Variants in ENTREP2 observed in about 807,000 individuals in gnomAD.
The protein encoded by ENTREP2 is endosomal transmembrane epsin interactor 2, also known as protein ENTREP2.
At chr15:29,432,276 C>T in the ENTREP2 span, among the ~76,000 whole-genome samples, 1 of 152,182 alleles carries the variant, frequency 6.6e-6, no homozygotes, top group African/African-American at 2.4e-5. Context: ...TGGTCTCACC[C>T]ACCTCTGCCC....
At chr15:29,393,439 G>C in the ENTREP2 span, among the ~76,000 whole-genome samples, 1 of 152,188 alleles carries the variant, frequency 6.6e-6, no homozygotes, top group African/African-American at 2.4e-5. Context: ...CTCATGCTCA[G>C]GGCAAGTCCC....
At chr15:29,481,449 G>C in the ENTREP2 span, among the ~76,000 whole-genome samples, 2 of 152,074 alleles carry the variant, frequency 1.3e-5, no homozygotes, top group Non-Finnish European at 2.9e-5. Context: ...TCAAGTAGAT[G>C]TAAGATTCAT....
At chr15:29,569,706 C>T in the ENTREP2 span, 1 of 152,202 alleles carries the variant, frequency 6.6e-6, no homozygotes, top group Non-Finnish European at 1.5e-5. Flanking sequence ...AAAATTAACT[C>T]TTGGGGACAG....
chr15:29,225,408 G>A, the ENTREP2 span, among the ~76,000 whole-genome samples: 34 of 152,338 alleles, frequency 2.2e-4, no homozygotes, highest in Admixed American at 2.0e-3. Flanking sequence ...TGATCCACCC[G>A]AGTCCATATA....
chr15:29,191,442 G>A, the ENTREP2 span, among the ~76,000 whole-genome samples: 12 of 130,218 alleles, frequency 9.2e-5, no homozygotes, highest in Non-Finnish European at 1.8e-4. Flanking sequence ...GGTGCAAACC[G>A]TAACCAAGGA....
the ENTREP2 span, among the ~76,000 whole-genome samples, chr15:29,489,574 T>C: frequency 6.6e-6 from 1 of 152,210 alleles, no homozygotes. Flanking sequence ...TATACATAGG[T>C]GCATCCCAAT....
chr15:29,181,394 C>A, the ENTREP2 span, among the ~76,000 whole-genome samples: 1 of 152,020 alleles, frequency 6.6e-6, no homozygotes. Flanking sequence ...AGGGGAACAC[C>A]TCCCAGCTCA....
At chr15:29,411,491 G>C in the ENTREP2 span, among the ~76,000 whole-genome samples, 1 of 152,166 alleles carries the variant, frequency 6.6e-6, no homozygotes, top group Non-Finnish European at 1.5e-5. Context: ...CCACTTCCAT[G>C]AAATGCCTAT....
chr15:29,604,162 C>A, the ENTREP2 span, among the ~76,000 whole-genome samples: 1 of 151,974 alleles, frequency 6.6e-6, no homozygotes, highest in Non-Finnish European at 1.5e-5. Context: ...TTTCACAAAA[C>A]GAAGAAATAC....
chr15:29,479,637 CCTCT>C, the ENTREP2 span, among the ~76,000 whole-genome samples: 2 of 100,904 alleles, frequency 2.0e-5, no homozygotes, highest in Admixed American at 1.9e-4. Context: ...TCTCTCCCTC[CCTCT>C]CTCTCTGTCT....
At chr15:29,641,647 C>G in the ENTREP2 span, among the ~76,000 whole-genome samples, 1 of 151,944 alleles carries the variant, frequency 6.6e-6, no homozygotes, top group South Asian at 2.1e-4. Flanking sequence ...GCCTGGCCAA[C>G]ATGGTGAAAC....
the ENTREP2 span, among the ~76,000 whole-genome samples, chr15:29,580,494 G>A: frequency 3.9e-5 from 6 of 152,048 alleles, no homozygotes; most frequent in Non-Finnish European, 7.4e-5. Context: ...ACATATTCCC[G>A]TTAGGTCTAG....
chr15:29,161,168 G>C, the ENTREP2 span, among the ~76,000 whole-genome samples: 1 of 152,182 alleles, frequency 6.6e-6, no homozygotes, highest in Non-Finnish European at 1.5e-5. Flanking sequence ...AGAATGTAAG[G>C]CCTTGACTGC....
At chr15:29,133,254 C>T in the ENTREP2 span, among the ~76,000 whole-genome samples, 5 of 152,272 alleles carry the variant, frequency 3.3e-5, no homozygotes, top group East Asian at 1.9e-4. Flanking sequence ...CATCTTCTCT[C>T]CTCTTTACCA....
chr15:29,619,384 C>T, the ENTREP2 span, among the ~76,000 whole-genome samples: 1 of 152,110 alleles, frequency 6.6e-6, no homozygotes, highest in African/African-American at 2.4e-5. Flanking sequence ...CAGAGCGAGA[C>T]TCCATCTCAA....
chr15:29,269,209 T>G, the ENTREP2 span: 1 of 1,614,110 alleles, frequency 6.2e-7, no homozygotes, highest in South Asian at 1.1e-5. Flanking sequence ...ACCCCTCATC[T>G]CGGCATCCTC....
chr15:29,285,413 T>C, the ENTREP2 span, among the ~76,000 whole-genome samples: 1,921 of 152,274 alleles, frequency 0.013, 51 homozygotes, highest in African/African-American at 0.045. Flanking sequence ...CCTGCAGATA[T>C]GAAAAAGACT....
chr15:29,320,395 A>G, the ENTREP2 span, among the ~76,000 whole-genome samples: 1 of 152,334 alleles, frequency 6.6e-6, no homozygotes, highest in Non-Finnish European at 1.5e-5. Context: ...GCCTAATAAC[A>G]GCCATATTAA....
chr15:29,159,174 T>C, the ENTREP2 span, among the ~76,000 whole-genome samples: 1 of 151,988 alleles, frequency 6.6e-6, no homozygotes, highest in Admixed American at 6.6e-5. Flanking sequence ...CTGATGTGTT[T>C]GGAGTTTTTT....
Sources: allele counts gnomAD v4.1 joint callset (sites outside exome capture counted in the v4.1 genomes callset), GRCh38; gene constraint gnomAD v4.1.1; transcripts MANE v1.5; gene names NCBI Gene and HGNC (gene_info 2026-07-23, HGNC 2026-07-21).